Variants in KDM4C observed in about 807,000 individuals in gnomAD.
KDM4C encodes lysine demethylase 4C, also known as lysine-specific demethylase 4C.
In KDM4C, 81 loss-of-function variants were observed where a neutral mutation model predicts 129.3. The ratio of observed to expected loss-of-function variants is 0.63; its 90% CI spans 0.52 to 0.75. The LOEUF is 0.75. Ranked by LOEUF, KDM4C falls within the 30% of genes least tolerant of loss-of-function variation. The pLI is 0.00. For synonymous variants in KDM4C, 573 were observed against 456.1 expected (o/e 1.26, Z -3.26); for missense variants, 1,457 against 1,304.0 (o/e 1.12, Z -1.81).
Position 7,174,791 on chromosome 9 carries a change from A to G in KDM4C, c.*62A>G, listed in dbSNP as rs1405597649. 6.9e-6 allele frequency: 10 copies of G among 1,441,928 alleles called. No individual in the cohort carries two copies. The highest frequency in any genetic ancestry group is 2.3e-5 in the East Asian group (1 of 43,916). The allele number at this position is 1,441,928 out of a possible 1,614,324, so 89.3% of individuals were successfully genotyped here. On this transcript the variant is annotated 3_prime_UTR_variant, in exon 22 of 22. Coordinates refer to ENST00000381309, the MANE Select transcript of KDM4C (RefSeq NM_015061.6). ...GTTGGAAGAGAGAAGATGAAGGGACATCCTTGGGGCTGTGCCGTGAGTTTT... is the reference window on the plus strand; with the variant it reads ...GTTGGAAGAGAGAAGATGAAGGGACGTCCTTGGGGCTGTGCCGTGAGTTTT...
chr9:6,797,803 C>T (rs1474193888), intron 2 of KDM4C, among the ~76,000 whole-genome samples: 1 of 152,180 alleles, frequency 6.6e-6, no homozygotes, highest in Non-Finnish European at 1.5e-5. Context: ...TATTTCAAGG[C>T]AAGTAGTGCA....
At chr9:6,999,146 C>A (rs1331063202) in intron 12 of KDM4C, among the ~76,000 whole-genome samples, 2 of 152,042 alleles carry the variant, frequency 1.3e-5, no homozygotes, top group Non-Finnish European at 2.9e-5. Flanking sequence ...TGGCTGTTGC[C>A]CTTTACCTTT....
intron 17 of KDM4C, among the ~76,000 whole-genome samples, chr9:7,074,538 G>A (rs968484820): frequency 6.6e-5 from 10 of 152,040 alleles, no homozygotes; most frequent in South Asian, 2.1e-4. Context: ...AGAAAGTCAC[G>A]TATAAATGAT....
intron 7 of KDM4C, among the ~76,000 whole-genome samples, chr9:6,891,107 G>C (rs984297278): frequency 2.6e-5 from 4 of 152,190 alleles, no homozygotes; most frequent in African/African-American, 9.7e-5. Flanking sequence ...AAAGGTATCA[G>C]AAGAGTGATT....
At chr9:6,897,785 T>C (rs1264811554) in intron 8 of KDM4C, among the ~76,000 whole-genome samples, 2 of 152,246 alleles carry the variant, frequency 1.3e-5, no homozygotes, top group Non-Finnish European at 2.9e-5. Flanking sequence ...TCTAGTTCTT[T>C]GTTTTAGGAA....
chr9:6,777,026 T>G (rs1823222682), intron 1 of KDM4C, among the ~76,000 whole-genome samples: 1 of 152,210 alleles, frequency 6.6e-6, no homozygotes, highest in African/African-American at 2.4e-5. Context: ...TTGTCTTGTA[T>G]TGTCAACTTT....
chr9:7,017,416 T>G (rs985066735), intron 15 of KDM4C, among the ~76,000 whole-genome samples: 3 of 152,180 alleles, frequency 2.0e-5, no homozygotes, highest in African/African-American at 7.2e-5. Context: ...CCTAAATTGT[T>G]TTTCTAAAGA....
intron 8 of KDM4C, chr9:6,925,453 C>A (rs1266563985): frequency 4.9e-5 from 39 of 788,590 alleles, no homozygotes; most frequent in Admixed American, 1.4e-4. Context: ...CTTCCCCCTT[C>A]CCCCTCTCCT....
intron 1 of KDM4C, among the ~76,000 whole-genome samples, chr9:6,743,100 G>GA (rs1817755234): frequency 6.6e-6 from 1 of 152,068 alleles, no homozygotes; most frequent in Admixed American, 6.6e-5. Context: ...CATCCTTGTA[G>GA]AAAAAAATGC....
At chr9:7,120,308 T>A (rs555233392) in intron 18 of KDM4C, among the ~76,000 whole-genome samples, 5 of 152,316 alleles carry the variant, frequency 3.3e-5, no homozygotes, top group African/African-American at 1.2e-4. Context: ...TAGTTAGCTG[T>A]CTTTTGTTTG....
chr9:6,898,267 C>T (rs573847809), intron 8 of KDM4C, among the ~76,000 whole-genome samples: 2 of 152,104 alleles, frequency 1.3e-5, no homozygotes, highest in South Asian at 2.1e-4. Context: ...ATGATTGTCT[C>T]GAAGGGAAGA....
At position 7,173,998 on chromosome 9, in the gene KDM4C, C is replaced by G. The variant is rs933359126; in HGVS notation, c.2995-555C>G. The stretch of plus-strand genomic sequence containing the variant: ...AGCAGATAGTTAAGAAAGGGAACCC[C>G]TGAGACATCAAAAGTGAGCAGCCAG... On this transcript the variant is annotated intron_variant, in intron 21 of 21. Coordinates refer to ENST00000381309, the MANE Select transcript of KDM4C (RefSeq NM_015061.6). Among the ~76,000 whole-genome samples, 4 of 152,168 alleles carry G rather than the reference C, an allele frequency of 2.6e-5. No homozygotes were observed. In the East Asian group the frequency reaches 7.7e-4, roughly 29 times the overall value.
intron 1 of KDM4C, among the ~76,000 whole-genome samples, chr9:6,748,448 G>T (rs1448111534): frequency 6.6e-6 from 1 of 151,464 alleles, no homozygotes; most frequent in Non-Finnish European, 1.5e-5. Flanking sequence ...TGGAGGTTGC[G>T]GGGAGCTGAG....
chr9:7,103,720 C>G lies in KDM4C; in HGVS notation c.2460C>G (p.Val820=), dbSNP rs749651850. ...TCTGCAGACACCGGGTTAAGAGGGT[C>G]TCTGGAGCCTGCATCCAGTGTTCCT... ...CIFCRHRVKR[V]SGACIQCSYG... is the part of the protein sequence containing the mutation. The change falls in exon 18 of 22, where the codon GTC becomes GTG. Residue 820 remains valine (V), a synonymous_variant. Coordinates refer to ENST00000381309, the MANE Select transcript of KDM4C (RefSeq NM_015061.6). 5 of 1,613,872 alleles carry G rather than the reference C, an allele frequency of 3.1e-6. No individual in the cohort carries two copies. Among genetic ancestry groups the G allele is most frequent in the African/African-American group, 1.3e-5 (1 of 74,988 alleles).
At chr9:6,812,152 C>T (rs1057285078) in intron 3 of KDM4C, among the ~76,000 whole-genome samples, 1 of 151,524 alleles carries the variant, frequency 6.6e-6, no homozygotes, top group African/African-American at 2.4e-5. Context: ...CAGGAGAATC[C>T]CTTGAACCCA....
chr9:7,078,244 A>G (rs894509855), intron 17 of KDM4C, among the ~76,000 whole-genome samples: 5 of 152,190 alleles, frequency 3.3e-5, no homozygotes, highest in African/African-American at 1.2e-4. Context: ...ACTTTTTTAT[A>G]GCTTGTAAAA....
chr9:6,728,574 C>T (rs1817220286), intron 1 of KDM4C, among the ~76,000 whole-genome samples: 1 of 148,828 alleles, frequency 6.7e-6, no homozygotes, highest in South Asian at 2.2e-4. Context: ...TGGCCGGGCT[C>T]AGTGGCTCAT....
chr9:7,058,507 C>T (rs947550264), intron 17 of KDM4C, among the ~76,000 whole-genome samples: 1 of 152,166 alleles, frequency 6.6e-6, no homozygotes, highest in Non-Finnish European at 1.5e-5. Flanking sequence ...ATCTAGCAGT[C>T]GCTCTCAGGA....
At chr9:7,036,973 A>T (rs1216354720) in intron 15 of KDM4C, among the ~76,000 whole-genome samples, 1 of 152,182 alleles carries the variant, frequency 6.6e-6, no homozygotes, top group Admixed American at 6.5e-5. Context: ...TTTAAAAGGT[A>T]CTGCAGGACA....
Sources: gnomAD v4.1 joint callset for allele counts (sites outside exome capture counted in the v4.1 genomes callset) on GRCh38, gnomAD v4.1.1 for gene constraint, MANE v1.5 for transcripts, NCBI Gene and HGNC (gene_info 2026-07-23, HGNC 2026-07-21) for gene names.